The following NEBL variants were observed in gnomAD, a reference collection of about 807,000 sequenced individuals.
NEBL encodes the protein nebulette, also known as LIM and SH3 protein 2.
Under a neutral mutation model 140.2 loss-of-function variants are expected in NEBL, and 122 were observed. The observed-to-expected ratio is 0.87, with a 90% CI of 0.75 to 1.01. NEBL has a LOEUF of 1.01. NEBL is among the 50% of genes least tolerant of loss of function. The probability of loss-of-function intolerance (pLI) is 0.00; values close to 1 mark genes in which losing one functional copy is unlikely to be tolerated. For synonymous variants in NEBL, 436 were observed against 398.9 expected, an observed-to-expected ratio of 1.09 and a Z score of -1.11; for missense variants, 1,365 against 1,231.3, an observed-to-expected ratio of 1.11 and a Z score of -1.62.
intron 3 of NEBL, among the ~76,000 whole-genome samples, chr10:21,184,053 T>C (rs1195534631): frequency 1.3e-5 from 2 of 152,210 alleles, no homozygotes; most frequent in African/African-American, 4.8e-5. Flanking sequence ...CCTCTTTCTT[T>C]TGAAAATTTC....
intron 2 of NEBL, among the ~76,000 whole-genome samples, chr10:21,065,920 C>T (rs1234685959): frequency 6.6e-6 from 1 of 152,188 alleles, no homozygotes; most frequent in African/African-American, 2.4e-5. Flanking sequence ...TGACAGGCAA[C>T]CTTTCTAGTC....
intron 3 of NEBL, among the ~76,000 whole-genome samples, chr10:21,242,150 CA>C (rs1377173291): frequency 1.3e-5 from 2 of 151,956 alleles, no homozygotes; most frequent in East Asian, 3.9e-4. Flanking sequence ...TGGAGTGAGC[CA>C]AGATCACGCC....
chr10:20,933,785 G>A (rs530118974), intron 4 of NEBL, among the ~76,000 whole-genome samples: 4 of 152,188 alleles, frequency 2.6e-5, no homozygotes, highest in South Asian at 4.1e-4. Flanking sequence ...AAAGCCTCAC[G>A]GTTTGGTGAA....
At chr10:20,900,418 G>A (rs559320374), upstream of NEBL, among the ~76,000 whole-genome samples, 2 of 152,252 alleles carry the variant, frequency 1.3e-5, no homozygotes, top group African/African-American at 2.4e-5. Context: ...AGTGGCACAC[G>A]CCTGTAATCC....
At chr10:21,119,653 T>C (rs1367676922) in intron 2 of NEBL, among the ~76,000 whole-genome samples, 1 of 152,050 alleles carries the variant, frequency 6.6e-6, no homozygotes, top group Non-Finnish European at 1.5e-5. Context: ...AATTAAGTCA[T>C]AAATGCTTCA....
At chr10:21,156,242 G>T (rs1244865062) in intron 2 of NEBL, among the ~76,000 whole-genome samples, 3 of 152,130 alleles carry the variant, frequency 2.0e-5, no homozygotes, top group Non-Finnish European at 4.4e-5. Context: ...TTTCCATTTG[G>T]CATCTTTTTG....
Position 20,812,688 on chromosome 10 carries a change from A to G in NEBL, c.2518+81T>C, listed in dbSNP as rs1838277998. On this transcript the variant is annotated intron_variant, in intron 24 of 27. Transcript: ENST00000377122. ...CCAACATGTGATGAGGAGTCAGATG[A>G]CTCAAGAGGGTAATTCTGAAGCTAG... is the stretch of plus-strand genomic sequence containing the variant. 2.6e-6 allele frequency: 4 copies of G among 1,535,608 alleles called. No individual in the cohort carries two copies. In the South Asian group the frequency reaches 4.5e-5, roughly 17 times the overall value.
chr10:21,042,333 A>T (rs1834310562), intron 2 of NEBL, among the ~76,000 whole-genome samples: 1 of 152,244 alleles, frequency 6.6e-6, no homozygotes, highest in Non-Finnish European at 1.5e-5. Context: ...CTTGTCTACC[A>T]GCAGTGGGCT....
Position 20,808,626 on chromosome 10 carries a change from C to T in NEBL, c.2645G>A (p.Arg882Gln), listed in dbSNP as rs758877499. The change falls in exon 26 of 28, where the codon CGA becomes CAA. Residue 882 changes from arginine (R) to glutamine (Q), a missense_variant. This residue lies in a region of NEBL where 1,323 missense variants were observed against 1,154.8 expected (regional missense o/e 1.15). Coordinates refer to ENST00000377122, the MANE Select transcript of NEBL (RefSeq NM_006393.3). ...ACCGAAAGTACTGCTGGAATGGGAT[C>T]GAGACCAGTGTCGCCTATAGTGACT... ...KASHYRRHWSRSHSSSTFGTG... is the reference protein window; with the variant it reads ...KASHYRRHWSQSHSSSTFGTG... 34 of 1,613,134 alleles carry T rather than the reference C, an allele frequency of 2.1e-5. No homozygotes were observed. The highest frequency in any genetic ancestry group is 2.7e-5 in the Non-Finnish European group (32 of 1,179,420).
intron 2 of NEBL, among the ~76,000 whole-genome samples, chr10:21,082,511 G>C (rs1836412730): frequency 1.5e-5 from 2 of 131,860 alleles, no homozygotes; most frequent in Non-Finnish European, 1.5e-5. Flanking sequence ...TTTTTTGTAA[G>C]TTTGAAGTGT....
intron 25 of NEBL, among the ~76,000 whole-genome samples, chr10:20,809,470 T>C (rs184739390): frequency 5.3e-5 from 8 of 152,316 alleles, no homozygotes; most frequent in African/African-American, 1.4e-4. Context: ...TTTAAAAAAT[T>C]ATAACAATGT....
chr10:20,804,468 T>A (rs573306307), intron 26 of NEBL: 1 of 152,282 alleles, frequency 6.6e-6, no homozygotes, highest in African/African-American at 2.4e-5. Flanking sequence ...CCTCTAGCTG[T>A]AACATGATTT....
intron 2 of NEBL, among the ~76,000 whole-genome samples, chr10:21,083,240 A>C (rs1427573346): frequency 6.6e-6 from 1 of 152,266 alleles, no homozygotes; most frequent in Admixed American, 6.5e-5. Flanking sequence ...TGGACAGCAT[A>C]GCATGACCCC....
chr10:21,213,910 C>T (rs1015655513), intron 3 of NEBL, among the ~76,000 whole-genome samples: 9 of 152,124 alleles, frequency 5.9e-5, no homozygotes, highest in African/African-American at 2.2e-4. Context: ...AGGGAAAGGA[C>T]AAGGTCTTCC....
intron 3 of NEBL, among the ~76,000 whole-genome samples, chr10:21,209,600 G>A (rs1564543068): frequency 1.3e-5 from 2 of 150,652 alleles, no homozygotes; most frequent in South Asian, 4.2e-4. Context: ...TGCAGGATGT[G>A]TCTTCCAGGA....
At chr10:21,215,181 G>A (rs1027996554) in intron 3 of NEBL, among the ~76,000 whole-genome samples, 3 of 152,148 alleles carry the variant, frequency 2.0e-5, no homozygotes, top group Admixed American at 6.6e-5. Flanking sequence ...GTGGTGGCAC[G>A]CACCTGCAGT....
chr10:21,106,996 T>C (rs1490173018), intron 2 of NEBL, among the ~76,000 whole-genome samples: 2 of 152,290 alleles, frequency 1.3e-5, no homozygotes, highest in East Asian at 3.9e-4. Context: ...CTGTTATTGG[T>C]GTATAGGAAT....
At chr10:20,919,079 C>A (rs193274024) in intron 4 of NEBL, among the ~76,000 whole-genome samples, 1 of 151,984 alleles carries the variant, frequency 6.6e-6, no homozygotes, top group East Asian at 1.9e-4. Context: ...CCTTAAGATG[C>A]AATATGATAA....
intron 3 of NEBL, among the ~76,000 whole-genome samples, chr10:20,976,290 C>T (rs1001384003): frequency 2.7e-5 from 4 of 150,136 alleles, no homozygotes; most frequent in South Asian, 4.2e-4. Context: ...GGCAGTGAGC[C>T]GAGATCACAC....
Sources: gnomAD v4.1 joint callset for allele counts (sites outside exome capture counted in the v4.1 genomes callset) on GRCh38, gnomAD v4.1.1 for gene constraint, gnomAD v4.1.1 regional missense constraint, MANE v1.5 for transcripts, NCBI Gene and HGNC (gene_info 2026-07-23, HGNC 2026-07-21) for gene names.